TRPM3: variants seen among roughly 807,000 people sequenced by gnomAD.
The protein encoded by TRPM3 is long transient receptor potential channel 3.
TRPM3 carries 77 observed loss-of-function variants against 181.2 expected under a neutral mutation model. The ratio of observed to expected loss-of-function variants is 0.42; its 90% confidence interval spans 0.35 to 0.51. TRPM3 has a LOEUF of 0.51. Among genes scored for constraint, TRPM3 ranks in the 20% least tolerant of loss-of-function variants. The probability of loss-of-function intolerance (pLI) is 0.01; values close to 1 mark genes in which losing one functional copy is unlikely to be tolerated. For missense variants in TRPM3, 1,759 were observed against 2,196.7 expected (o/e 0.80, Z 3.98); for synonymous variants, 745 against 796.4 (o/e 0.94, Z 1.09).
intron 1 of TRPM3, among the ~76,000 whole-genome samples, chr9:71,442,080 C>T (rs1420448072): frequency 6.6e-6 from 1 of 152,216 alleles, no homozygotes; most frequent in African/African-American, 2.4e-5. Context: ...TCTCAAACAG[C>T]TGTGAGAAGA....
chr9:70,684,113 C>T (rs1254508818), intron 8 of TRPM3, among the ~76,000 whole-genome samples: 3 of 152,280 alleles, frequency 2.0e-5, no homozygotes, highest in Non-Finnish European at 4.4e-5. Flanking sequence ...GATCACATTT[C>T]AGATGGAAAT....
intron 1 of TRPM3, among the ~76,000 whole-genome samples, chr9:71,068,247 C>A (rs534386188): frequency 1.3e-5 from 2 of 152,206 alleles, no homozygotes; most frequent in Non-Finnish European, 2.9e-5. Context: ...CTTGCACATA[C>A]TTTCAATTCT....
At chr9:70,895,199 C>G (rs1050283089) in intron 1 of TRPM3, among the ~76,000 whole-genome samples, 1 of 152,128 alleles carries the variant, frequency 6.6e-6, no homozygotes, top group African/African-American at 2.4e-5. Context: ...GCTGCATTTT[C>G]TTTTCTTTAC....
At chr9:71,047,561 C>G (rs2059582176) in intron 1 of TRPM3, among the ~76,000 whole-genome samples, 1 of 152,142 alleles carries the variant, frequency 6.6e-6, no homozygotes, top group African/African-American at 2.4e-5. Context: ...ATGGCTGAAG[C>G]AAGCCTGTGG....
chr9:70,653,555 T>G (rs2059868333), intron 9 of TRPM3, among the ~76,000 whole-genome samples: 2 of 151,482 alleles, frequency 1.3e-5, no homozygotes, highest in African/African-American at 2.4e-5. Context: ...AATTCCAAAT[T>G]ATGGGTAACA....
intron 1 of TRPM3, among the ~76,000 whole-genome samples, chr9:71,117,243 T>C (rs965326118): frequency 6.6e-6 from 1 of 152,180 alleles, no homozygotes; most frequent in Non-Finnish European, 1.5e-5. Flanking sequence ...AAAGCAACTA[T>C]ACAATACCTA....
rs138346291 is a variant in TRPM3 at position 71,366,633 on chromosome 9, C to T, written c.183+80020G>A. 5.0e-4 allele frequency among the ~76,000 whole-genome samples: 76 copies of T among 152,290 alleles called. 1 individual carries two copies. The East Asian group carries it at 0.013, about 26-fold the overall frequency. On this transcript the variant is annotated intron_variant, in intron 1 of 24. Coordinates refer to the TRPM3 transcript ENST00000357533. ...TGAAAGTATTATCTTCCCAATCAAT[C>T]TCCTGCTAATAATTTGTTTTGTAGG... is the stretch of plus-strand genomic sequence containing the variant.
intron 1 of TRPM3, among the ~76,000 whole-genome samples, chr9:70,972,342 C>G (rs181205278): frequency 1.1e-4 from 17 of 152,262 alleles, no homozygotes; most frequent in Middle Eastern, 3.4e-3. Flanking sequence ...CAAGATTCAT[C>G]TATGTTGTCA....
intron 22 of TRPM3, among the ~76,000 whole-genome samples, chr9:70,565,531 G>C (rs7853032): frequency 0.62 from 93,306 of 151,682 alleles, 29,313 homozygotes; most frequent in East Asian, 0.83. Flanking sequence ...GACCTCATGT[G>C]ATCCACCCAC....
chr9:71,016,384 T>A (rs998119291), intron 1 of TRPM3, among the ~76,000 whole-genome samples: 4 of 152,020 alleles, frequency 2.6e-5, no homozygotes, highest in Admixed American at 2.6e-4. Context: ...ACTTTTTTCA[T>A]CTCCCTAAGT....
intron 21 of TRPM3, among the ~76,000 whole-genome samples, chr9:70,592,826 G>C (rs530904172): frequency 6.6e-6 from 1 of 152,220 alleles, no homozygotes; most frequent in East Asian, 1.9e-4. Flanking sequence ...AGCCTCCCGG[G>C]TTTAAGCAAT....
intron 1 of TRPM3, among the ~76,000 whole-genome samples, chr9:71,265,206 A>G (rs931731467): frequency 6.6e-6 from 1 of 152,238 alleles, no homozygotes; most frequent in African/African-American, 2.4e-5. Context: ...TATACATTTT[A>G]AAGTATCAAA....
intron 1 of TRPM3, among the ~76,000 whole-genome samples, chr9:71,297,115 C>T (rs909762706): frequency 6.6e-6 from 1 of 151,700 alleles, no homozygotes; most frequent in African/African-American, 2.4e-5. Flanking sequence ...CCTCAGCCTC[C>T]CGAGTAGCTG....
chr9:71,059,930 G>A (rs767751611), intron 1 of TRPM3, among the ~76,000 whole-genome samples: 3 of 152,070 alleles, frequency 2.0e-5, no homozygotes, highest in Non-Finnish European at 4.4e-5. Context: ...CTGGAAACCA[G>A]GAGGGTGTGA....
chr9:71,007,039 C>CAAAAAAAAAAAAAAAAAAAAAAAAAAA (rs59442017), intron 1 of TRPM3, among the ~76,000 whole-genome samples: 20 of 27,970 alleles, frequency 7.2e-4, no homozygotes, highest in Non-Finnish European at 8.8e-4. Flanking sequence ...AACTCCATCT[C>CAAAAAAAAAAAAAAAAAAAAAAAAAAA]AAAAAAAAAA....
chr9:71,404,155 G>T (rs956860373), intron 1 of TRPM3, among the ~76,000 whole-genome samples: 2 of 152,132 alleles, frequency 1.3e-5, no homozygotes, highest in Admixed American at 6.5e-5. Context: ...ACATCCCAAG[G>T]TGATTGCAAG....
At chr9:70,575,729 G>A (rs1470848246) in intron 22 of TRPM3, among the ~76,000 whole-genome samples, 1 of 152,216 alleles carries the variant, frequency 6.6e-6, no homozygotes, top group African/African-American at 2.4e-5. Flanking sequence ...CCAAAGAACA[G>A]ACAGTTTGAG....
At chr9:70,678,943 G>A (rs2064737600) in intron 9 of TRPM3, among the ~76,000 whole-genome samples, 1 of 152,158 alleles carries the variant, frequency 6.6e-6, no homozygotes, top group Non-Finnish European at 1.5e-5. Flanking sequence ...CAAAGCCTTC[G>A]CAAAATAGAG....
At chr9:70,757,851 T>A (rs982783215) in intron 8 of TRPM3, among the ~76,000 whole-genome samples, 6 of 152,234 alleles carry the variant, frequency 3.9e-5, no homozygotes, top group African/African-American at 1.2e-4. Context: ...AAGCTATTTA[T>A]GACAAACCCA....
Sources: gnomAD v4.1 joint callset for allele counts (sites outside exome capture counted in the v4.1 genomes callset) on GRCh38, gnomAD v4.1.1 for gene constraint, MANE v1.5 for transcripts, NCBI Gene and HGNC (gene_info 2026-07-23, HGNC 2026-07-21) for gene names.